KIAA1217: variants seen among roughly 807,000 people sequenced by gnomAD.
The protein encoded by KIAA1217 is sickle tail protein homolog.
KIAA1217 carries 88 observed loss-of-function variants against 163.9 expected under a neutral mutation model. The observed-to-expected ratio is 0.54, with a 90% CI of 0.45 to 0.64. The LOEUF (loss-of-function observed/expected upper bound fraction) is 0.64. KIAA1217 is among the 30% of genes least tolerant of loss of function. The pLI is 0.00. For synonymous variants in KIAA1217, 903 were observed against 923.1 expected (o/e 0.98, Z 0.39); for missense variants, 2,372 against 2,475.0 (o/e 0.96, Z 0.88).
At chr10:24,075,043 C>T (rs888222849) in intron 2 of KIAA1217, among the ~76,000 whole-genome samples, 2 of 151,564 alleles carry the variant, frequency 1.3e-5, no homozygotes, top group Non-Finnish European at 2.9e-5. Flanking sequence ...ACCCTCCATA[C>T]CTTCCTCTAT....
At chr10:24,148,988 C>T (rs1353680470) in intron 2 of KIAA1217, among the ~76,000 whole-genome samples, 1 of 152,132 alleles carries the variant, frequency 6.6e-6, no homozygotes, top group Non-Finnish European at 1.5e-5. Context: ...AACAGATAAG[C>T]TCATTCTGTG....
At chr10:24,512,543 T>C (rs1243643648) in intron 9 of KIAA1217, among the ~76,000 whole-genome samples, 1 of 152,196 alleles carries the variant, frequency 6.6e-6, no homozygotes, top group Non-Finnish European at 1.5e-5. Context: ...AATTGTGAGT[T>C]CTGTATACAG....
intron 2 of KIAA1217, among the ~76,000 whole-genome samples, chr10:24,192,991 A>G (rs2066797660): frequency 6.6e-6 from 1 of 152,040 alleles, no homozygotes; most frequent in African/African-American, 2.4e-5. Flanking sequence ...TATGTTGCAC[A>G]GGCTGGTCTT....
At chr10:23,748,214 T>C (rs1764582039) in intron 1 of KIAA1217, among the ~76,000 whole-genome samples, 1 of 152,156 alleles carries the variant, frequency 6.6e-6, no homozygotes, top group Admixed American at 6.5e-5. Context: ...TTGGAGTGCT[T>C]GTTTCCTAGT....
At chr10:24,483,990 C>G (rs11593651) in intron 6 of KIAA1217, among the ~76,000 whole-genome samples, 1 of 151,588 alleles carries the variant, frequency 6.6e-6, no homozygotes, top group East Asian at 1.9e-4. Flanking sequence ...GCCCTGGATC[C>G]GAGAAAGCCT....
chr10:24,260,972 A>G (rs1054758623), intron 2 of KIAA1217, among the ~76,000 whole-genome samples: 1 of 152,026 alleles, frequency 6.6e-6, no homozygotes, highest in African/African-American at 2.4e-5. Flanking sequence ...ACAGTATTGG[A>G]AGGGGGAGGA....
At chr10:23,758,557 T>C (rs966007317) in intron 1 of KIAA1217, among the ~76,000 whole-genome samples, 1 of 152,052 alleles carries the variant, frequency 6.6e-6, no homozygotes, top group Non-Finnish European at 1.5e-5. Context: ...ACATGAATTT[T>C]GGGGTGGGTT....
chr10:24,203,955 TG>T (rs1486633244), upstream of KIAA1217, among the ~76,000 whole-genome samples: 1 of 152,250 alleles, frequency 6.6e-6, no homozygotes, highest in Non-Finnish European at 1.5e-5. Context: ...GCCACAGTGC[TG>T]TGCACACGGG....
At chr10:24,160,486 A>T (rs1031205927) in intron 2 of KIAA1217, among the ~76,000 whole-genome samples, 1 of 152,112 alleles carries the variant, frequency 6.6e-6, no homozygotes, top group Non-Finnish European at 1.5e-5. Context: ...ATGCTATATG[A>T]ATGGTATTTT....
At chr10:23,846,318 C>G (rs560382574) in intron 1 of KIAA1217, among the ~76,000 whole-genome samples, 1 of 152,074 alleles carries the variant, frequency 6.6e-6, no homozygotes, top group African/African-American at 2.4e-5. Flanking sequence ...TAAATTACTT[C>G]GAGCACTATG....
intron 3 of KIAA1217, among the ~76,000 whole-genome samples, chr10:24,392,243 GA>G (rs10708415): frequency 0.52 from 77,872 of 148,996 alleles, 22,583 homozygotes; most frequent in African/African-American, 0.8. Context: ...CAGCTCATTA[GA>G]AAAAAAAAAA....
intron 5 of KIAA1217, among the ~76,000 whole-genome samples, chr10:24,464,204 A>G (rs938875526): frequency 1.3e-5 from 2 of 152,186 alleles, no homozygotes; most frequent in Non-Finnish European, 2.9e-5. Context: ...GCTAAAGAGC[A>G]TTTAACTCAT....
rs151081507 is a variant in KIAA1217, at chr10:24,173,092, G to A, written c.-170-46534G>A. ...TGAAGTTTCATCTGTATTTGCAGCC[G>A]CTCCCTATCACTCGCATTACCTCCT... On this transcript the variant is annotated intron_variant, in intron 2 of 18. Transcript: ENST00000376462. 5.3e-5 allele frequency among the ~76,000 whole-genome samples: 8 copies of A among 152,248 alleles called. No homozygotes were observed. In the South Asian group the frequency reaches 8.3e-4, roughly 16 times the overall value.
At chr10:23,949,222 CA>C (rs1363954684) in intron 1 of KIAA1217, among the ~76,000 whole-genome samples, 2 of 151,790 alleles carry the variant, frequency 1.3e-5, no homozygotes, top group Non-Finnish European at 2.9e-5. Context: ...GAAACCCTGA[CA>C]AAAAATACCT....
At chr10:24,054,530 G>T (rs1849746527) in intron 2 of KIAA1217, among the ~76,000 whole-genome samples, 1 of 152,176 alleles carries the variant, frequency 6.6e-6, no homozygotes, top group Admixed American at 6.5e-5. Context: ...GCACTAACTT[G>T]TCTTTTAAAA....
chr10:23,734,023 G>A (rs1838640133), intron 1 of KIAA1217, among the ~76,000 whole-genome samples: 1 of 151,904 alleles, frequency 6.6e-6, no homozygotes, highest in South Asian at 2.1e-4. Flanking sequence ...TTTTTATCAT[G>A]TAACATTTAA....
chr10:23,996,314 G>C (rs1452578703), intron 1 of KIAA1217, among the ~76,000 whole-genome samples: 1 of 152,140 alleles, frequency 6.6e-6, no homozygotes, highest in Non-Finnish European at 1.5e-5. Context: ...GCCTCGGATT[G>C]ACAGGGAAGG....
chr10:24,532,115 A>T, intron 15 of KIAA1217, 122 bp downstream of exon 15: 2 of 861,068 alleles, frequency 2.3e-6, no homozygotes, highest in Non-Finnish European at 3.2e-6. Flanking sequence ...ACCACACAAG[A>T]TCCCCAGGAA....
chr10:23,849,949 T>G (rs987380265), intron 1 of KIAA1217, among the ~76,000 whole-genome samples: 1 of 152,112 alleles, frequency 6.6e-6, no homozygotes, highest in Non-Finnish European at 1.5e-5. Context: ...CTTGCTTACT[T>G]TCTAACCTGA....
Sources: allele counts gnomAD v4.1 joint callset (sites outside exome capture counted in the v4.1 genomes callset), GRCh38; gene constraint gnomAD v4.1.1; transcripts MANE v1.5; gene names NCBI Gene and HGNC (gene_info 2026-07-23, HGNC 2026-07-21).